The following DPP10 variants were observed in gnomAD, a reference collection of about 807,000 sequenced individuals.
DPP10 encodes inactive dipeptidyl peptidase 10.
A neutral mutation model predicts 120.9 loss-of-function variants in DPP10; 33 were observed. That is an observed-to-expected ratio of 0.27 (90% CI 0.21 to 0.37). The LOEUF is 0.37. Ranked by LOEUF, DPP10 falls within the 10% of genes least tolerant of loss-of-function variation. DPP10 has a pLI of 1.00. For missense variants in DPP10, 816 were observed against 942.8 expected (o/e 0.87, Z 1.76); for synonymous variants, 337 against 326.1 (o/e 1.03, Z -0.36).
chr2:115,275,049 A>C (rs1389061175), intron 1 of DPP10, among the ~76,000 whole-genome samples: 1 of 152,188 alleles, frequency 6.6e-6, no homozygotes, highest in Non-Finnish European at 1.5e-5. Flanking sequence ...AAGGTCAATG[A>C]TTTAAACCAG....
intron 1 of DPP10, among the ~76,000 whole-genome samples, chr2:114,805,013 T>A (rs1224720496): frequency 6.6e-6 from 1 of 152,140 alleles, no homozygotes; most frequent in East Asian, 1.9e-4. Flanking sequence ...AATTGAATCA[T>A]GGGGGCTGAT....
intron 1 of DPP10, among the ~76,000 whole-genome samples, chr2:114,480,327 A>G (rs1261234736): frequency 6.6e-6 from 1 of 151,992 alleles, no homozygotes; most frequent in African/African-American, 2.4e-5. Flanking sequence ...AACTAGAAAT[A>G]CCATTTGACC....
chr2:115,727,717 A>C lies in DPP10; in HGVS notation c.577-99A>C, dbSNP rs977845192. On this transcript the variant is annotated intron_variant, in intron 7 of 25. Coordinates refer to ENST00000410059, the MANE Select transcript of DPP10 (RefSeq NM_020868.6). ...AAAAACAACTTGAAGCCCGTAAATA[A>C]TACAACATGGCTATTCAGTGATCAT... 8.3e-6 allele frequency: 11 copies of C among 1,320,344 alleles called. No homozygotes were observed. In the African/African-American group the frequency reaches 1.5e-4, roughly 18 times the overall value. The allele number at this position is 1,320,344 out of a possible 1,614,324, so 81.8% of individuals were successfully genotyped here.
At chr2:115,119,286 A>T (rs902738903) in intron 1 of DPP10, among the ~76,000 whole-genome samples, 5 of 152,178 alleles carry the variant, frequency 3.3e-5, no homozygotes, top group Admixed American at 6.5e-5. Flanking sequence ...TTTACTGTGC[A>T]TGCCTGAACC....
At chr2:115,215,127 T>C (rs912179771) in intron 1 of DPP10, among the ~76,000 whole-genome samples, 14 of 152,336 alleles carry the variant, frequency 9.2e-5, no homozygotes, top group African/African-American at 2.9e-4. Context: ...TTGGTGGGTA[T>C]TTTCAATGTT....
chr2:114,718,201 G>A (rs969130852), intron 1 of DPP10, among the ~76,000 whole-genome samples: 6 of 151,694 alleles, frequency 4.0e-5, no homozygotes, highest in Non-Finnish European at 8.8e-5. Context: ...TGTCATTTGT[G>A]TAATATATAT....
intron 8 of DPP10, among the ~76,000 whole-genome samples, chr2:115,730,113 A>G (rs1202064200): frequency 6.6e-6 from 1 of 152,216 alleles, no homozygotes; most frequent in Non-Finnish European, 1.5e-5. Context: ...TGGATCTTCC[A>G]TATGAACAGA....
chr2:115,572,493 G>A (rs1199966141), intron 5 of DPP10, among the ~76,000 whole-genome samples: 1 of 152,172 alleles, frequency 6.6e-6, no homozygotes, highest in Non-Finnish European at 1.5e-5. Flanking sequence ...ATGCACATAT[G>A]TAAACACAGA....
At chr2:114,458,795 A>G (rs1678716318) in intron 1 of DPP10, among the ~76,000 whole-genome samples, 1 of 152,204 alleles carries the variant, frequency 6.6e-6, no homozygotes, top group African/African-American at 2.4e-5. Flanking sequence ...TTGAGGAGTC[A>G]TTGATAAAAG....
intron 5 of DPP10, among the ~76,000 whole-genome samples, chr2:115,618,105 GACC>G (rs1436162219): frequency 6.6e-6 from 1 of 152,136 alleles, no homozygotes; most frequent in African/African-American, 2.4e-5. Context: ...AGCTGCTGTT[GACC>G]TTAGGTAACT....
chr2:114,617,642 G>A (rs1693775528), intron 1 of DPP10, among the ~76,000 whole-genome samples: 1 of 152,008 alleles, frequency 6.6e-6, no homozygotes, highest in Non-Finnish European at 1.5e-5. Flanking sequence ...CTCATTTAAA[G>A]GCTGTATCCA....
At chr2:115,362,708 A>G (rs1280436220) in intron 3 of DPP10, among the ~76,000 whole-genome samples, 1 of 152,226 alleles carries the variant, frequency 6.6e-6, no homozygotes, top group East Asian at 1.9e-4. Context: ...CGCCATGTCA[A>G]CATAAAGGTA....
At chr2:115,388,794 G>A (rs2067130668) in intron 3 of DPP10, among the ~76,000 whole-genome samples, 2 of 152,098 alleles carry the variant, frequency 1.3e-5, no homozygotes, top group Non-Finnish European at 2.9e-5. Context: ...TGAGATTTTA[G>A]TTTACATTCC....
At chr2:115,342,672 G>A (rs1200831465) in intron 2 of DPP10, among the ~76,000 whole-genome samples, 1 of 152,148 alleles carries the variant, frequency 6.6e-6, no homozygotes, top group Non-Finnish European at 1.5e-5. Flanking sequence ...GTGTCAGACT[G>A]CCAGGCAAAT....
chr2:115,335,034 G>A (rs1234678395), intron 2 of DPP10, among the ~76,000 whole-genome samples: 1 of 151,830 alleles, frequency 6.6e-6, no homozygotes, highest in Non-Finnish European at 1.5e-5. Flanking sequence ...GTTCTGTATG[G>A]CTGGGGAGGC....
chr2:115,468,519 G>A (rs1299828556), intron 3 of DPP10: 2 of 435,388 alleles, frequency 4.6e-6, no homozygotes, highest in Admixed American at 2.6e-5. Context: ...TCTGTGCTAT[G>A]TGGACATTGC....
At chr2:115,651,598 A>C (rs2087778291) in intron 5 of DPP10, among the ~76,000 whole-genome samples, 1 of 152,026 alleles carries the variant, frequency 6.6e-6, no homozygotes. Flanking sequence ...GATAAAAAGA[A>C]TGCGCAGGAG....
rs182210636 is a variant in DPP10 at position 114,554,262 on chromosome 2, C to T, written c.60+111424C>T. Among the ~76,000 whole-genome samples the T allele has an allele frequency of 4.8e-3, 725 of 152,302 alleles. 6 individuals carry two copies. Among genetic ancestry groups the T allele is most frequent in the African/African-American group, 0.016 (677 of 41,570 alleles). On this transcript the variant is annotated intron_variant, in intron 1 of 25. Coordinates refer to ENST00000410059, the MANE Select transcript of DPP10 (RefSeq NM_020868.6). ...AGGGGCTTTCTCCTTAAGATGTCAA[C>T]AACATCCACTGAGGACTGAATAGAA...
At chr2:114,797,226 G>C (rs1013428985) in intron 1 of DPP10, among the ~76,000 whole-genome samples, 1 of 152,150 alleles carries the variant, frequency 6.6e-6, no homozygotes, top group African/African-American at 2.4e-5. Flanking sequence ...CCAGAAAGCT[G>C]TTTCAGAGTT....
Sources: gnomAD v4.1 joint callset for allele counts (sites outside exome capture counted in the v4.1 genomes callset) on GRCh38, gnomAD v4.1.1 for gene constraint, MANE v1.5 for transcripts, NCBI Gene and HGNC (gene_info 2026-07-23, HGNC 2026-07-21) for gene names.